Variants in DCDC2C observed in about 807,000 individuals in gnomAD.
DCDC2C encodes the protein doublecortin domain-containing protein 2C.
Under a neutral mutation model 45.0 loss-of-function variants are expected in DCDC2C, and 44 were observed. The ratio of observed to expected loss-of-function variants is 0.98; its 90% CI spans 0.77 to 1.26. DCDC2C has a LOEUF of 1.26. Among genes scored for constraint, DCDC2C ranks in the 50% most tolerant of loss-of-function variants. The probability of loss-of-function intolerance (pLI) is 0.00; values close to 1 mark genes in which losing one functional copy is unlikely to be tolerated. For missense variants in DCDC2C, 447 were observed against 468.9 expected, an observed-to-expected ratio of 0.95 and a Z score of 0.43; for synonymous variants, 187 against 178.8, an observed-to-expected ratio of 1.05 and a Z score of -0.37.
intron 6 of DCDC2C, among the ~76,000 whole-genome samples, chr2:3,758,451 A>G (rs1669785487): frequency 6.6e-6 from 1 of 152,258 alleles, no homozygotes; most frequent in Non-Finnish European, 1.5e-5. Flanking sequence ...TGAAACAAAA[A>G]GTTATTATAT....
chr2:3,838,452 CAGAGAGAG>C (rs61141962), intron 10 of DCDC2C, among the ~76,000 whole-genome samples: 56 of 112,378 alleles, frequency 5.0e-4, no homozygotes, highest in Admixed American at 4.1e-3. Context: ...AGGATCATGA[CAGAGAGAG>C]AGAGAGAGAG....
At chr2:3,799,547 G>C (rs1169505271) in intron 10 of DCDC2C, among the ~76,000 whole-genome samples, 96 of 145,896 alleles carry the variant, frequency 6.6e-4, no homozygotes, top group South Asian at 1.5e-3. Context: ...TGGGTTTTTG[G>C]TGTGGATGTC....
chr2:3,800,286 T>A (rs1417661308), intron 10 of DCDC2C, among the ~76,000 whole-genome samples: 1 of 152,204 alleles, frequency 6.6e-6, no homozygotes, highest in East Asian at 1.9e-4. Context: ...CCTAGTGAGA[T>A]GAACCCGGTA....
intron 4 of DCDC2C, among the ~76,000 whole-genome samples, chr2:3,742,772 C>A (rs1669253131): frequency 6.6e-6 from 1 of 152,148 alleles, no homozygotes; most frequent in Non-Finnish European, 1.5e-5. Context: ...GTTGAGGGAG[C>A]ACGACACTGT....
intron 4 of DCDC2C, among the ~76,000 whole-genome samples, chr2:3,751,451 CTG>C (rs370882646): frequency 2.1e-4 from 32 of 152,334 alleles, no homozygotes; most frequent in African/African-American, 7.7e-4. Context: ...TCCCAGGTTC[CTG>C]TCTTGACGCC....
intron 10 of DCDC2C, among the ~76,000 whole-genome samples, chr2:3,795,185 G>A (rs1296464912): frequency 3.3e-5 from 5 of 151,854 alleles, no homozygotes; most frequent in Non-Finnish European, 5.9e-5. Context: ...GTCTGTTTAT[G>A]TCCTTCGCCC....
intron 2 of DCDC2C, among the ~76,000 whole-genome samples, chr2:3,725,697 A>AGAGGAAGACGAGCAGAGAGGGAG (rs1668645726): frequency 3.5e-5 from 4 of 114,726 alleles, no homozygotes; most frequent in Admixed American, 8.6e-5. Context: ...GGTGGATCCC[A>AGAGGAAGACGAGCAGAGAGGGAG]GAGGGAGATG....
At chr2:3,737,802 C>G (rs1215822523) in intron 3 of DCDC2C, among the ~76,000 whole-genome samples, 1 of 152,174 alleles carries the variant, frequency 6.6e-6, no homozygotes, top group African/African-American at 2.4e-5. Flanking sequence ...AAAACCCATT[C>G]CTGGACCTAT....
intron 10 of DCDC2C, among the ~76,000 whole-genome samples, chr2:3,812,793 G>T (rs1417107887): frequency 6.6e-6 from 1 of 151,858 alleles, no homozygotes; most frequent in Non-Finnish European, 1.5e-5. Context: ...TGTTCTCATT[G>T]GTTTCAAAGA....
At chr2:3,719,624 G>T (rs1668438330) in intron 2 of DCDC2C, among the ~76,000 whole-genome samples, 1 of 152,202 alleles carries the variant, frequency 6.6e-6, no homozygotes. Flanking sequence ...ATCCCACAGG[G>T]GGTTCGACGG....
chr2:3,729,084 G>A (rs551247485), intron 3 of DCDC2C, among the ~76,000 whole-genome samples: 33 of 152,332 alleles, frequency 2.2e-4, no homozygotes, highest in African/African-American at 6.0e-4. Context: ...TTATACTGGC[G>A]TGGAAAACAC....
chr2:3,764,618 C>T (rs1363817520), intron 6 of DCDC2C, among the ~76,000 whole-genome samples: 1 of 152,178 alleles, frequency 6.6e-6, no homozygotes, highest in Non-Finnish European at 1.5e-5. Flanking sequence ...TCCATTGAAC[C>T]TCTTTTTCTT....
Position 3,738,539 on chromosome 2 carries a change from G to GAAAAAA in DCDC2C, c.417-3381_417-3380insAAAAAA, listed in dbSNP as rs752819998. 4.5e-4 allele frequency among the ~76,000 whole-genome samples: 25 copies of GAAAAAA among 55,252 alleles called. 7 individuals carry two copies. Among genetic ancestry groups the GAAAAAA allele is most frequent in the Admixed American group, 7.9e-4 (3 of 3,792 alleles). The allele number at this position is 55,252 out of a possible 152,430, so 36.2% of individuals were successfully genotyped here. A position where few individuals can be genotyped will look rare whatever the true frequency, so the allele number is the denominator to read the frequency against. ...TACATTTTTTCTGCTGGTCTATCTG[G>GAAAAAA]GAAAAAAAAAAAAAAAAAAAAAAAA... On this transcript the variant is annotated intron_variant, in intron 3 of 10. Transcript: ENST00000399143.
Position 3,791,710 on chromosome 2 carries a change from G to A in DCDC2C, c.1065+6610G>A, listed in dbSNP as rs75779642. ...ATGACCCTCACACCTCTCCAGCACT[G>A]TGTTGTTTGCAGTGGCCTGGGTGCC... On this transcript the variant is annotated intron_variant, in intron 10 of 10. Transcript: ENST00000399143. Among the ~76,000 whole-genome samples the A allele has an allele frequency of 6.0e-3, 913 of 152,290 alleles. 7 individuals are homozygous for A. The highest frequency in any genetic ancestry group is 0.01 in the Middle Eastern group (3 of 294).
rs563937200 is a variant in DCDC2C at position 3,829,679 on chromosome 2, A to G, written c.1066-17475A>G. Among the ~76,000 whole-genome samples, 4 of 152,304 alleles carry G rather than the reference A, an allele frequency of 2.6e-5. No homozygotes were observed. In the East Asian group the frequency reaches 7.7e-4, roughly 29 times the overall value. On this transcript the variant is annotated intron_variant, in intron 10 of 10. Coordinates refer to ENST00000399143, the MANE Select transcript of DCDC2C (RefSeq NM_001287444.2). ...TCTTAATATCTTTGGGTAAAGCTAC[A>G]GAGATTTACTCCCCTGAACCAGGCT...
chr2:3,827,376 A>G (rs1314409950), intron 10 of DCDC2C, among the ~76,000 whole-genome samples: 1 of 152,076 alleles, frequency 6.6e-6, no homozygotes, highest in Non-Finnish European at 1.5e-5. Flanking sequence ...GGGAGACAGG[A>G]ACACAAGAGG....
At chr2:3,752,068 G>A (rs1669559507) in intron 4 of DCDC2C, among the ~76,000 whole-genome samples, 3 of 152,134 alleles carry the variant, frequency 2.0e-5, no homozygotes, top group Admixed American at 1.3e-4. Context: ...CCTGTTGCAA[G>A]TTCCTCCAGC....
rs1349474466 is a variant in DCDC2C, at chr2:3,734,767, GGA to G, written c.417-7150_417-7149del. On this transcript the variant is annotated intron_variant, in intron 3 of 10. Coordinates refer to ENST00000399143, the MANE Select transcript of DCDC2C (RefSeq NM_001287444.2). This position sits in a 1 kb window ranked among gnomAD's most constrained non-coding sequence, Gnocchi z 4.2. ...CGCAATCCACGTTTTTATGTTTTGGGGAGAAGACTCCAAGACATGATCCTCTC... is the reference window on the plus strand; with the variant it reads ...CGCAATCCACGTTTTTATGTTTTGGGGAAGACTCCAAGACATGATCCTCTC... Among the ~76,000 whole-genome samples the G allele has an allele frequency of 1.3e-5, 2 of 152,146 alleles. No individual in the cohort carries two copies. The highest frequency in any genetic ancestry group is 2.9e-5 in the Non-Finnish European group (2 of 68,034).
At chr2:3,792,665 T>G (rs1670845211) in intron 10 of DCDC2C, among the ~76,000 whole-genome samples, 1 of 152,206 alleles carries the variant, frequency 6.6e-6, no homozygotes, top group Non-Finnish European at 1.5e-5. Context: ...TTTTCATTTC[T>G]GGGAAGGCTT....
Sources: allele counts gnomAD v4.1 joint callset (sites outside exome capture counted in the v4.1 genomes callset), GRCh38; gene constraint gnomAD v4.1.1; non-coding constraint Gnocchi (gnomAD v3.1); transcripts MANE v1.5; gene names NCBI Gene and HGNC (gene_info 2026-07-23, HGNC 2026-07-21).